GRIK3: variants seen among roughly 807,000 people sequenced by gnomAD.
The protein encoded by GRIK3 is glutamate ionotropic receptor kainate type subunit 3.
A neutral mutation model predicts 102.5 loss-of-function variants in GRIK3; 29 were observed. The ratio of observed to expected loss-of-function variants is 0.28; its 90% CI spans 0.21 to 0.39. The LOEUF (loss-of-function observed/expected upper bound fraction) is 0.39, where lower values mean the gene tolerates loss of function less well. GRIK3 is among the 10% of genes least tolerant of loss of function. The pLI is 1.00. For missense variants in GRIK3, 908 were observed against 1,252.4 expected, an observed-to-expected ratio of 0.73 and a Z score of 4.15; for synonymous variants, 511 against 504.9, an observed-to-expected ratio of 1.01 and a Z score of -0.16.
chr1:37,017,853 T>G (rs1346964749), intron 1 of GRIK3, among the ~76,000 whole-genome samples: 3 of 152,180 alleles, frequency 2.0e-5, no homozygotes, highest in Non-Finnish European at 4.4e-5. Flanking sequence ...TCAAACTGAG[T>G]GAGACCACTG....
chr1:36,896,975 C>G (rs1275855265), intron 1 of GRIK3, among the ~76,000 whole-genome samples: 4 of 152,134 alleles, frequency 2.6e-5, no homozygotes, highest in Admixed American at 6.5e-5. Context: ...CACTCAACAA[C>G]TAGGAACAGA....
intron 5 of GRIK3, among the ~76,000 whole-genome samples, 161 bp from the exon 6 acceptor site, chr1:36,860,178 A>G (rs1243905337): frequency 6.6e-6 from 1 of 152,212 alleles, no homozygotes; most frequent in Non-Finnish European, 1.5e-5. Flanking sequence ...TAGTCACAGG[A>G]GCACCCATAG....
intron 1 of GRIK3, among the ~76,000 whole-genome samples, chr1:36,896,902 G>C (rs1026705305): frequency 6.6e-6 from 1 of 152,086 alleles, no homozygotes; most frequent in Non-Finnish European, 1.5e-5. Flanking sequence ...AAAAAAATGC[G>C]ATCATCTGAA....
intron 5 of GRIK3, among the ~76,000 whole-genome samples, chr1:36,861,713 G>T (rs1236505087): frequency 6.6e-6 from 1 of 152,202 alleles, no homozygotes; most frequent in East Asian, 1.9e-4. Flanking sequence ...CACTGTGTTG[G>T]TTTCCTCTTC....
At chr1:36,833,845 T>C (rs1053713190) in intron 10 of GRIK3, among the ~76,000 whole-genome samples, 1 of 152,220 alleles carries the variant, frequency 6.6e-6, no homozygotes, top group African/African-American at 2.4e-5. Flanking sequence ...CACCAGTTTC[T>C]GCTGCATAAC....
chr1:36,854,163 A>G (rs1370520421), intron 7 of GRIK3, among the ~76,000 whole-genome samples: 2 of 152,172 alleles, frequency 1.3e-5, no homozygotes, highest in Non-Finnish European at 2.9e-5. Context: ...GGGGAGACCG[A>G]AATCACCCCC....
At chr1:36,941,724 A>C (rs1641721898) in intron 1 of GRIK3, among the ~76,000 whole-genome samples, 1 of 152,228 alleles carries the variant, frequency 6.6e-6, no homozygotes, top group Admixed American at 6.5e-5. Context: ...TTGTCTTCAC[A>C]ACTGCCCTGC....
intron 1 of GRIK3, among the ~76,000 whole-genome samples, chr1:36,931,112 C>G (rs2124313804): frequency 6.6e-6 from 1 of 152,320 alleles, no homozygotes; most frequent in Non-Finnish European, 1.5e-5. Context: ...TCGGTTGGAA[C>G]TAGAAAGTAT....
rs577315749 is a variant in GRIK3 at position 36,811,750 on chromosome 1, A to G, written c.2091+5310T>C. On this transcript the variant is annotated intron_variant, in intron 13 of 15. Coordinates refer to ENST00000373091, the MANE Select transcript of GRIK3 (RefSeq NM_000831.4). The stretch of plus-strand genomic sequence containing the variant: ...TTCAGCCAACTGGAGGGCTGTGTGG[A>G]AGAGAAAGCCTTTGACCTAAGTCCT... 2.0e-5 allele frequency among the ~76,000 whole-genome samples: 3 copies of G among 152,308 alleles called. No individual in the cohort carries two copies. The South Asian group carries it at 6.2e-4, about 32-fold the overall frequency.
rs1351634679 is a variant in GRIK3, at chr1:36,983,341, G to A, written c.115+50653C>T. On this transcript the variant is annotated intron_variant, in intron 1 of 15. Transcript: ENST00000373091. The stretch of plus-strand genomic sequence containing the variant: ...CTGCCCCATGCACACACTCCCACAC[G>A]CATGTTCTACTCACATACCTGCAGG... Among the ~76,000 whole-genome samples, 4 of 152,032 alleles carry A rather than the reference G, an allele frequency of 2.6e-5. No homozygotes were observed. The South Asian group carries it at 6.2e-4, about 24-fold the overall frequency.
Position 36,880,964 on chromosome 1 carries a change from C to A in GRIK3, c.293-73G>T, listed in dbSNP as rs1557712226. The A allele has an allele frequency of 1.4e-6, 2 of 1,474,482 alleles. No homozygotes were observed. The highest frequency in any genetic ancestry group is 1.8e-6 in the Non-Finnish European group (2 of 1,095,332). The allele number at this position is 1,474,482 out of a possible 1,614,324, so 91.3% of individuals were successfully genotyped here. ...GTATGGGGACAGTGATGCTGATGAT[C>A]CTGTAAACATGTGGGAAAAACAGCA... On this transcript the variant is annotated intron_variant, in intron 2 of 15. Transcript: ENST00000373091. The surrounding 1 kb of genome is among the most constrained non-coding windows in gnomAD (Gnocchi z 5.4).
At chr1:37,025,609 C>T (rs540049346) in intron 1 of GRIK3, among the ~76,000 whole-genome samples, 34 of 152,304 alleles carry the variant, frequency 2.2e-4, no homozygotes, top group Non-Finnish European at 3.4e-4. Flanking sequence ...TTTGGAATAG[C>T]ATATTTCAGT....
intron 1 of GRIK3, among the ~76,000 whole-genome samples, chr1:36,949,574 CTTTTTTTTT>C (rs60157852): frequency 2.0e-5 from 2 of 99,668 alleles, no homozygotes; most frequent in Non-Finnish European, 4.0e-5. Flanking sequence ...CTCTCTCTTT[CTTTTTTTTT>C]TTTTTTTTTT....
chr1:36,849,897 C>G, intron 9 of GRIK3: 1 of 186,718 alleles, frequency 5.4e-6, no homozygotes, highest in South Asian at 1.2e-4. Flanking sequence ...TGTACAGGCT[C>G]CCAGCACCTG....
chr1:36,850,466 T>C lies in GRIK3; in HGVS notation c.1213-42A>G, dbSNP rs1196167691. 8.6e-7 allele frequency: 1 copy of C among 1,156,286 alleles called. No individual in the cohort carries two copies. 71.6% of individuals were successfully genotyped at this position (1,156,286 alleles called of 1,614,324 possible). On this transcript the variant is annotated intron_variant, in intron 8 of 15. Coordinates refer to ENST00000373091, the MANE Select transcript of GRIK3 (RefSeq NM_000831.4). This position sits in a 1 kb window ranked among gnomAD's most constrained non-coding sequence, Gnocchi z 4.0. ...AGAAAACAGGGTGCCGAGTCCTTGGTCTACCCATCTTCCTCCATATCGACA... is the reference window on the plus strand; with the variant it reads ...AGAAAACAGGGTGCCGAGTCCTTGGCCTACCCATCTTCCTCCATATCGACA...
intron 1 of GRIK3, among the ~76,000 whole-genome samples, chr1:36,994,818 A>G (rs750416715): frequency 2.7e-4 from 41 of 152,170 alleles, no homozygotes; most frequent in Non-Finnish European, 4.7e-4. Context: ...AAAACGAAAG[A>G]ACTCTAAATT....
intron 5 of GRIK3, among the ~76,000 whole-genome samples, chr1:36,862,708 G>T (rs532605750): frequency 6.6e-6 from 1 of 152,182 alleles, no homozygotes; most frequent in Non-Finnish European, 1.5e-5. Context: ...GACCACCTGG[G>T]CTCGAGTTTC....
At chr1:36,950,769 G>A (rs1457058674) in intron 1 of GRIK3, among the ~76,000 whole-genome samples, 2 of 152,260 alleles carry the variant, frequency 1.3e-5, no homozygotes, top group Non-Finnish European at 2.9e-5. Flanking sequence ...GTGCAGCTGA[G>A]CAGAACTGTG....
At chr1:37,010,951 C>T (rs1466289292) in intron 1 of GRIK3, among the ~76,000 whole-genome samples, 1 of 152,060 alleles carries the variant, frequency 6.6e-6, no homozygotes, top group African/African-American at 2.4e-5. Flanking sequence ...CCTTGTTAGC[C>T]AGGATGATCT....
Sources: gnomAD v4.1 joint callset for allele counts (sites outside exome capture counted in the v4.1 genomes callset) on GRCh38, gnomAD v4.1.1 for gene constraint, Gnocchi (gnomAD v3.1) non-coding constraint, MANE v1.5 for transcripts, NCBI Gene and HGNC (gene_info 2026-07-23, HGNC 2026-07-21) for gene names.